Variants in MAN2B2 observed in about 807,000 individuals in gnomAD.
MAN2B2 encodes mannosidase alpha class 2B member 2.
MAN2B2 carries 106 observed loss-of-function variants against 117.1 expected under a neutral mutation model. The observed-to-expected ratio is 0.90, with a 90% CI of 0.77 to 1.06. MAN2B2 has a LOEUF of 1.06. Ranked by LOEUF, MAN2B2 falls within the 50% of genes least tolerant of loss-of-function variation. The probability of loss-of-function intolerance (pLI) is 0.00; values close to 1 mark genes in which losing one functional copy is unlikely to be tolerated. For missense variants in MAN2B2, 1,326 were observed against 1,381.4 expected (o/e 0.96, Z 0.64); for synonymous variants, 544 against 595.1 (o/e 0.91, Z 1.25).
chr4:6,595,335 GAGA>G (rs886373265), intron 7 of MAN2B2, among the ~76,000 whole-genome samples: 93 of 152,356 alleles, frequency 6.1e-4, no homozygotes, highest in African/African-American at 2.2e-3. Context: ...AAAATTCAAT[GAGA>G]AGAAGTGCTC....
At chr4:6,607,644 T>G (rs1342100147) in intron 11 of MAN2B2, among the ~76,000 whole-genome samples, 1 of 152,254 alleles carries the variant, frequency 6.6e-6, no homozygotes. Context: ...GATGGACATT[T>G]GGGTTGTTTC....
At chr4:6,607,883 C>T (rs1008448795) in intron 11 of MAN2B2, among the ~76,000 whole-genome samples, 2 of 152,220 alleles carry the variant, frequency 1.3e-5, no homozygotes, top group South Asian at 2.1e-4. Flanking sequence ...TTCACATCCT[C>T]GCCCACACTT....
At chr4:6,611,036 C>G in intron 14 of MAN2B2, 46 bp downstream of exon 14, 1 of 1,612,230 alleles carries the variant, frequency 6.2e-7, no homozygotes, top group Non-Finnish European at 8.5e-7. Context: ...CGGCCCCCTA[C>G]AGGCATGCCC....
intron 10 of MAN2B2, among the ~76,000 whole-genome samples, chr4:6,603,824 G>A (rs975373985): frequency 2.0e-5 from 3 of 152,080 alleles, no homozygotes; most frequent in African/African-American, 7.2e-5. Context: ...GGGCCAGGCC[G>A]CATCAATGTG....
intron 16 of MAN2B2, among the ~76,000 whole-genome samples, 167 bp from the exon 17 acceptor site, chr4:6,617,213 T>C (rs978010691): frequency 2.6e-5 from 4 of 152,178 alleles, no homozygotes; most frequent in African/African-American, 9.7e-5. Context: ...GTGGACATTA[T>C]GGGAGCTACA....
chr4:6,579,320 C>A (rs1726305580), intron 3 of MAN2B2, among the ~76,000 whole-genome samples: 1 of 84,054 alleles, frequency 1.2e-5, no homozygotes, highest in Non-Finnish European at 2.6e-5. Flanking sequence ...CCACCACCAT[C>A]ACCACCACCA....
intron 18 of MAN2B2, chr4:6,620,552 A>G: frequency 5.7e-6 from 1 of 174,216 alleles, no homozygotes; most frequent in Non-Finnish European, 1.2e-5. Context: ...CAACCAGGCC[A>G]AGTGCCTCCT....
chr4:6,589,070 C>A lies in MAN2B2; in HGVS notation c.590C>A (p.Ser197Tyr). ...ARGLQFVWRG[S>Y]PSLSERQEIF... is the part of the protein sequence containing the mutation. Reference sequence around the variant, plus strand: ...GGGCTGCAGTTCGTGTGGCGAGGGTCCCCATCCCTCTCAGAGCGGCAGGAA... The same window carrying A: ...GGGCTGCAGTTCGTGTGGCGAGGGTACCCATCCCTCTCAGAGCGGCAGGAA... The change falls in exon 5 of 19, where the codon TCC (serine) becomes TAC (tyrosine). Residue 197 changes from serine (S) to tyrosine (Y), a missense_variant. By Grantham distance (144) the Ser-to-Tyr change is moderately radical (BLOSUM62 -2). Transcript: ENST00000285599. The A allele has an allele frequency of 1.2e-6, 2 of 1,614,074 alleles. No homozygotes were observed. Among genetic ancestry groups the A allele is most frequent in the Non-Finnish European group, 1.7e-6 (2 of 1,179,942 alleles).
intron 15 of MAN2B2, 86 bp from the exon 16 acceptor site, chr4:6,614,132 G>A: frequency 1.3e-6 from 2 of 1,512,374 alleles, no homozygotes; most frequent in Non-Finnish European, 1.8e-6. Context: ...GGCAGGGGCA[G>A]GGGCATGTAA....
intron 6 of MAN2B2, 98 bp from the exon 7 acceptor site, chr4:6,594,436 A>G: frequency 1.6e-6 from 2 of 1,265,366 alleles, no homozygotes; most frequent in East Asian, 4.8e-5. Flanking sequence ...CGCCTTGGAG[A>G]CTGGGAGGGC....
chr4:6,588,521 C>G lies in MAN2B2; in HGVS notation c.565-524C>G, dbSNP rs151002948. Among the ~76,000 whole-genome samples, 1,078 of 152,182 alleles carry G rather than the reference C, an allele frequency of 7.1e-3. 8 individuals are homozygous for G. Among genetic ancestry groups the G allele is most frequent in the African/African-American group, 0.024 (992 of 41,512 alleles). On this transcript the variant is annotated intron_variant, in intron 4 of 18. Transcript: ENST00000285599. ...CATGAAGTCAAGAGTTCGAAACCAGCCTGGCCAACATGGCAAAACCCCGTC... is the reference window on the plus strand; with the variant it reads ...CATGAAGTCAAGAGTTCGAAACCAGGCTGGCCAACATGGCAAAACCCCGTC...
Position 6,600,781 on chromosome 4 carries a change from G to A in MAN2B2, c.1539+25G>A, listed in dbSNP as rs1413395574. 1.9e-6 allele frequency: 3 copies of A among 1,612,046 alleles called. No homozygotes were observed. In the South Asian group the frequency reaches 3.3e-5, roughly 18 times the overall value. On this transcript the variant is annotated intron_variant, in intron 10 of 18. Coordinates refer to ENST00000285599, the MANE Select transcript of MAN2B2 (RefSeq NM_015274.3). ...GGTATGGACACAAAATCCTGCTGGAGGGGCCTTAGCTGCTTGCTGAACCTG... is the reference window on the plus strand; with the variant it reads ...GGTATGGACACAAAATCCTGCTGGAAGGGCCTTAGCTGCTTGCTGAACCTG...
At chr4:6,585,389 A>G (rs1453654793) in intron 3 of MAN2B2, among the ~76,000 whole-genome samples, 3 of 152,162 alleles carry the variant, frequency 2.0e-5, no homozygotes, top group Admixed American at 6.5e-5. Flanking sequence ...TATAACACCC[A>G]TCTCTCAAGG....
intron 7 of MAN2B2, among the ~76,000 whole-genome samples, chr4:6,595,699 G>A (rs1197653543): frequency 1.3e-5 from 2 of 152,214 alleles, no homozygotes; most frequent in Non-Finnish European, 2.9e-5. Flanking sequence ...AGTCACAATG[G>A]CAATTAAATT....
intron 13 of MAN2B2, among the ~76,000 whole-genome samples, 159 bp downstream of exon 13, chr4:6,610,209 C>T (rs893311110): frequency 9.9e-5 from 15 of 152,000 alleles, no homozygotes; most frequent in African/African-American, 3.1e-4. Context: ...CAGGCTGGGG[C>T]GCAATGGAGC....
At chr4:6,603,009 T>C (rs1727390081) in intron 10 of MAN2B2, among the ~76,000 whole-genome samples, 1 of 152,144 alleles carries the variant, frequency 6.6e-6, no homozygotes, top group Non-Finnish European at 1.5e-5. Flanking sequence ...CCCCCTTGTA[T>C]GGGCTGATCC....
At position 6,598,807 on chromosome 4, in the gene MAN2B2, C is replaced by T. The variant is rs891933951; in HGVS notation, c.1405+453C>T. Among the ~76,000 whole-genome samples the T allele has an allele frequency of 3.3e-5, 5 of 152,318 alleles. 1 individual carries two copies. Among genetic ancestry groups the T allele is most frequent in the South Asian group, 4.1e-4 (2 of 4,830 alleles). Reference sequence around the variant, plus strand: ...TGCCCAGCCTTGGCAGAGAGTACGCCGGTGTCCTCAGGGGCCCGGTCCCTT... The same window carrying T: ...TGCCCAGCCTTGGCAGAGAGTACGCTGGTGTCCTCAGGGGCCCGGTCCCTT... On this transcript the variant is annotated intron_variant, in intron 9 of 18. Coordinates refer to ENST00000285599, the MANE Select transcript of MAN2B2 (RefSeq NM_015274.3).
rs116269687 is a variant in MAN2B2, at chr4:6,602,829, C to T, written c.1539+2073C>T. On this transcript the variant is annotated intron_variant, in intron 10 of 18. Transcript: ENST00000285599. Reference sequence around the variant, plus strand: ...GGGACCACAGGTGCACACCACCATACATGGCTAATTTTTTTGTTTGTTTTT... The same window carrying T: ...GGGACCACAGGTGCACACCACCATATATGGCTAATTTTTTTGTTTGTTTTT... 9.0e-3 allele frequency among the ~76,000 whole-genome samples: 1,370 copies of T among 152,250 alleles called. 27 individuals are homozygous for T. The highest frequency in any genetic ancestry group is 0.031 in the African/African-American group (1,297 of 41,544).
intron 10 of MAN2B2, among the ~76,000 whole-genome samples, chr4:6,602,794 C>T (rs983040121): frequency 3.3e-5 from 5 of 152,076 alleles, no homozygotes; most frequent in Admixed American, 3.3e-4. Context: ...CCTCAGTCTC[C>T]TGAGTAGCTG....
Sources: allele counts gnomAD v4.1 joint callset (sites outside exome capture counted in the v4.1 genomes callset), GRCh38; gene constraint gnomAD v4.1.1; transcripts MANE v1.5; gene names NCBI Gene and HGNC (gene_info 2026-07-23, HGNC 2026-07-21).